Variants in KLHL28 observed in about 807,000 individuals in gnomAD.
KLHL28 encodes the protein kelch-like protein 28.
Under a neutral mutation model 48.3 loss-of-function variants are expected in KLHL28, and 22 were observed. The observed-to-expected ratio is 0.46, with a 90% CI of 0.33 to 0.65. The LOEUF (loss-of-function observed/expected upper bound fraction) is 0.65. Ranked by LOEUF, KLHL28 falls within the 30% of genes least tolerant of loss-of-function variation. KLHL28 has a pLI of 0.03. For synonymous variants in KLHL28, 243 were observed against 242.4 expected, an observed-to-expected ratio of 1.00 and a Z score of -0.02; for missense variants, 527 against 704.3, an observed-to-expected ratio of 0.75 and a Z score of 2.85.
chr14:44,935,962 G>GT (rs887193099), intron 2 of KLHL28, among the ~76,000 whole-genome samples: 4 of 138,136 alleles, frequency 2.9e-5, no homozygotes, highest in Admixed American at 8.0e-5. Context: ...ACTCAATAAT[G>GT]TAACAGCATA....
At chr14:44,961,119 A>C (rs1885065060) in intron 1 of KLHL28, 2 of 425,762 alleles carry the variant, frequency 4.7e-6, no homozygotes, top group Non-Finnish European at 8.4e-6. Flanking sequence ...CAAAATTCTC[A>C]GTTCGCCTAA....
intron 1 of KLHL28, among the ~76,000 whole-genome samples, chr14:44,953,301 C>G (rs575079877): frequency 2.3e-4 from 35 of 151,980 alleles, no homozygotes; most frequent in Admixed American, 1.0e-3. Context: ...GGATAAATTA[C>G]AAATGAATCA....
chr14:44,940,230 C>T (rs1884011756), intron 2 of KLHL28, among the ~76,000 whole-genome samples: 1 of 152,198 alleles, frequency 6.6e-6, no homozygotes, highest in African/African-American at 2.4e-5. Context: ...GAGCAGAGCC[C>T]TCATGGCCTA....
chr14:44,955,864 G>A (rs1262022873), intron 1 of KLHL28, among the ~76,000 whole-genome samples: 1 of 152,060 alleles, frequency 6.6e-6, no homozygotes, highest in Non-Finnish European at 1.5e-5. Context: ...ATATTCAGGG[G>A]CCAAACTAAA....
chr14:44,935,971 T>TA lies in KLHL28; in HGVS notation c.900-1414dup, dbSNP rs770077919. 2.1e-5 allele frequency among the ~76,000 whole-genome samples: 3 copies of TA among 143,426 alleles called. No individual in the cohort carries two copies. In the East Asian group the frequency reaches 6.2e-4, roughly 30 times the overall value. 94.1% of individuals were successfully genotyped at this position (143,426 alleles called of 152,430 possible). A position where few individuals can be genotyped will look rare whatever the true frequency, so the allele number is the denominator to read the frequency against. ...CCCCAAACTCAATAATGTAACAGCA[T>TA]AAAAAAAGTCCTCCATCCAGTATAA... On this transcript the variant is annotated intron_variant, in intron 2 of 4. Coordinates refer to ENST00000396128, the MANE Select transcript of KLHL28 (RefSeq NM_017658.5).
At chr14:44,942,893 A>C (rs1262709995) in intron 2 of KLHL28, among the ~76,000 whole-genome samples, 2 of 152,144 alleles carry the variant, frequency 1.3e-5, no homozygotes, top group Non-Finnish European at 2.9e-5. Flanking sequence ...TTACTAAATT[A>C]TGAACTTGTT....
chr14:44,925,858 T>C lies in KLHL28; in HGVS notation c.*3170A>G, dbSNP rs564499083. On this transcript the variant is annotated 3_prime_UTR_variant, in exon 5 of 5. Transcript: ENST00000396128. The stretch of plus-strand genomic sequence containing the variant: ...ATTACAACATCCAATGATTATTGAA[T>C]AGCCAAAGGTGCCTAACAGATTAAG... The C allele has an allele frequency of 6.6e-6, 1 of 152,330 alleles. No homozygotes were observed. Among genetic ancestry groups the C allele is most frequent in the East Asian group, 1.9e-4 (1 of 5,190 alleles). 9.4% of individuals were successfully genotyped at this position (152,330 alleles called of 1,614,324 possible). A position where few individuals can be genotyped will look rare whatever the true frequency, so the allele number is the denominator to read the frequency against.
intron 2 of KLHL28, among the ~76,000 whole-genome samples, chr14:44,935,890 G>GTGTATATATATATATATA (rs1555337906): frequency 5.1e-5 from 3 of 59,144 alleles, no homozygotes; most frequent in South Asian, 1.4e-3. Flanking sequence ...ATATATGTGT[G>GTGTATATATATATATATA]TATATATATA....
At chr14:44,960,240 G>C (rs955108160) in intron 1 of KLHL28, among the ~76,000 whole-genome samples, 5 of 152,314 alleles carry the variant, frequency 3.3e-5, no homozygotes, top group Non-Finnish European at 4.4e-5. Context: ...TCTCATTTAA[G>C]ACTTTCGAAG....
Position 44,924,650 on chromosome 14 carries a change from G to A in KLHL28, c.*4378C>T, listed in dbSNP as rs1393686146. 1 of 152,524 alleles carries A rather than the reference G, an allele frequency of 6.6e-6. No individual in the cohort carries two copies. Among genetic ancestry groups the A allele is most frequent in the Non-Finnish European group, 1.5e-5 (1 of 67,986 alleles). The allele number at this position is 152,524 out of a possible 1,614,324, so 9.4% of individuals were successfully genotyped here. ...GAATCCTGTTAAAATCAAAACCGTTGCTGGTTTATAATACACAGCACAATT... is the reference window on the plus strand; with the variant it reads ...GAATCCTGTTAAAATCAAAACCGTTACTGGTTTATAATACACAGCACAATT... On this transcript the variant is annotated 3_prime_UTR_variant, in exon 5 of 5. Coordinates refer to ENST00000396128, the MANE Select transcript of KLHL28 (RefSeq NM_017658.5).
At chr14:44,949,473 C>G (rs1022244083) in intron 1 of KLHL28, among the ~76,000 whole-genome samples, 1 of 151,998 alleles carries the variant, frequency 6.6e-6, no homozygotes, top group Non-Finnish European at 1.5e-5. Context: ...AATATATAAG[C>G]TAGTTCAGTT....
At position 44,945,909 on chromosome 14, in the gene KLHL28, G is replaced by A. The variant is rs769555528; in HGVS notation, c.20C>T (p.Thr7Ile). 2 of 1,612,656 alleles carry A rather than the reference G, an allele frequency of 1.2e-6. No individual in the cohort carries two copies. Among genetic ancestry groups the A allele is most frequent in the East Asian group, 4.5e-5 (2 of 44,858 alleles). The change falls in exon 2 of 5, where the codon ACC becomes ATC. Residue 7 changes from threonine (T) to isoleucine (I), a missense_variant. Transcript: ENST00000396128. ...GTGGGTTAAGTTAGCAAGCATGTAGGTCGGGGATGTGTGGTCCATCTACAG... is the reference window on the plus strand; with the variant it reads ...GTGGGTTAAGTTAGCAAGCATGTAGATCGGGGATGTGTGGTCCATCTACAG... MDHTSP[T>I]YMLANLTHLH...
At chr14:44,948,819 C>T (rs1352666209) in intron 1 of KLHL28, among the ~76,000 whole-genome samples, 1 of 152,030 alleles carries the variant, frequency 6.6e-6, no homozygotes, top group Non-Finnish European at 1.5e-5. Flanking sequence ...TTCAAATTCT[C>T]AAAACTCAAG....
chr14:44,945,808 C>A lies in KLHL28; in HGVS notation c.121G>T (p.Val41Leu). ...TGAGCATGAATTTTAACATCACCTA[C>A]TCGAAGAATGATGTCACAGAGTTCG... ...HHELCDIILR[V>L]GDVKIHAHKV... The change falls in exon 2 of 5, where the codon GTA becomes TTA. Residue 41 changes from valine to leucine, a missense_variant. Coordinates refer to ENST00000396128, the MANE Select transcript of KLHL28 (RefSeq NM_017658.5). 2 of 1,614,142 alleles carry A rather than the reference C, an allele frequency of 1.2e-6. No individual in the cohort carries two copies. The highest frequency in any genetic ancestry group is 1.7e-6 in the Non-Finnish European group (2 of 1,180,010).
chr14:44,930,505 C>T (rs1033807513), intron 4 of KLHL28, among the ~76,000 whole-genome samples: 1 of 152,138 alleles, frequency 6.6e-6, no homozygotes, highest in Non-Finnish European at 1.5e-5. Context: ...CTCAAGTGAT[C>T]CTCCCACTTC....
At chr14:44,930,024 T>C (rs567755235) in intron 4 of KLHL28, among the ~76,000 whole-genome samples, 3 of 152,274 alleles carry the variant, frequency 2.0e-5, no homozygotes, top group African/African-American at 7.2e-5. Context: ...AATGACATAA[T>C]TTATGCTTCT....
At chr14:44,955,433 G>T (rs1272884600) in intron 1 of KLHL28, among the ~76,000 whole-genome samples, 1 of 152,070 alleles carries the variant, frequency 6.6e-6, no homozygotes, top group Non-Finnish European at 1.5e-5. Context: ...CCCTCAAAGA[G>T]AACAGAACTC....
intron 1 of KLHL28, among the ~76,000 whole-genome samples, chr14:44,956,864 T>C (rs1884813623): frequency 6.6e-6 from 1 of 152,188 alleles, no homozygotes; most frequent in South Asian, 2.1e-4. Flanking sequence ...TATGCTGAAA[T>C]TGGTGTGCAA....
rs1854509116 is a variant in KLHL28, at chr14:44,926,706, C to T, written c.*2322G>A. The T allele has an allele frequency of 1.3e-5, 2 of 152,098 alleles. No individual in the cohort carries two copies. The highest frequency in any genetic ancestry group is 2.4e-5 in the African/African-American group (1 of 41,390). 9.4% of individuals were successfully genotyped at this position (152,098 alleles called of 1,614,324 possible). A position where few individuals can be genotyped will look rare whatever the true frequency, so the allele number is the denominator to read the frequency against. On this transcript the variant is annotated 3_prime_UTR_variant, in exon 5 of 5. Coordinates refer to ENST00000396128, the MANE Select transcript of KLHL28 (RefSeq NM_017658.5). ...TATTTTTAGTAGAGACGGGGTTTCA[C>T]CATGTTGGCCAGGCTGGTCTCGAAC...
Sources: gnomAD v4.1 joint callset for allele counts (sites outside exome capture counted in the v4.1 genomes callset) on GRCh38, gnomAD v4.1.1 for gene constraint, MANE v1.5 for transcripts, NCBI Gene and HGNC (gene_info 2026-07-23, HGNC 2026-07-21) for gene names.